The following DAZL variants were observed in gnomAD, a reference collection of about 807,000 sequenced individuals.
DAZL encodes deleted in azoospermia-like.
DAZL carries 4 observed loss-of-function variants against 45.0 expected under a neutral mutation model. The observed-to-expected ratio is 0.09, with a 90% CI of 0.04 to 0.20. The LOEUF is 0.20. Ranked by LOEUF, DAZL falls within the 10% of genes least tolerant of loss-of-function variation. DAZL has a pLI of 1.00. For missense variants in DAZL, 326 were observed against 351.3 expected (o/e 0.93, Z 0.58); for synonymous variants, 122 against 112.4 (o/e 1.09, Z -0.54).
chr3:16,599,122 C>T (rs781594637), intron 1 of DAZL, among the ~76,000 whole-genome samples: 2 of 151,658 alleles, frequency 1.3e-5, no homozygotes, highest in South Asian at 2.1e-4. Context: ...TGCTCATTAC[C>T]GAGTCTTGCA....
chr3:16,596,299 T>C (rs887179261), intron 6 of DAZL, among the ~76,000 whole-genome samples: 2 of 152,064 alleles, frequency 1.3e-5, no homozygotes, highest in African/African-American at 2.4e-5. Flanking sequence ...AGGATTTACA[T>C]AGTAAAACAC....
intron 6 of DAZL, among the ~76,000 whole-genome samples, chr3:16,595,914 GCTA>G (rs1694592750): frequency 1.3e-5 from 2 of 151,874 alleles, no homozygotes; most frequent in African/African-American, 4.8e-5. Context: ...TCAATAAATA[GCTA>G]CTGATTGAAA....
intron 1 of DAZL, among the ~76,000 whole-genome samples, chr3:16,602,647 GT>G (rs1473882322): frequency 6.6e-6 from 1 of 152,114 alleles, no homozygotes; most frequent in East Asian, 1.9e-4. Context: ...AAAGAATATA[GT>G]TTATATTGGA....
intron 6 of DAZL, among the ~76,000 whole-genome samples, chr3:16,596,088 G>C (rs1486292022): frequency 6.6e-6 from 1 of 151,850 alleles, no homozygotes; most frequent in Non-Finnish European, 1.5e-5. Flanking sequence ...AAATGTCAAT[G>C]AATGAAAGAC....
At chr3:16,591,012 G>T (rs912258897) in intron 10 of DAZL, among the ~76,000 whole-genome samples, 4 of 151,978 alleles carry the variant, frequency 2.6e-5, no homozygotes, top group Non-Finnish European at 5.9e-5. Context: ...TTGTATTACT[G>T]GTATCTCAAT....
chr3:16,604,795 G>A, intron 1 of DAZL: 4 of 1,343,378 alleles, frequency 3.0e-6, no homozygotes, highest in Non-Finnish European at 3.8e-6. Context: ...GGGAGTGGGG[G>A]AGGGGCGGAG....
intron 6 of DAZL, among the ~76,000 whole-genome samples, chr3:16,595,979 A>G (rs1305058790): frequency 6.6e-6 from 1 of 152,082 alleles, no homozygotes; most frequent in Non-Finnish European, 1.5e-5. Flanking sequence ...AATGACTCAC[A>G]GTAAATGTTA....
In DAZL at chr3:16,597,545, TA is replaced by T. The variant is rs1308076431; in HGVS notation, c.243-5del. The stretch of plus-strand genomic sequence containing the variant: ...AAAAAATGAAACAAATCCATAGCTA[TA>T]AAGGCAGATAAATGAAGTATAAAAT... On this transcript the variant is annotated splice_region_variant and splice_polypyrimidine_tract_variant and intron_variant, in intron 3 of 10. Transcript: ENST00000399444. 1.3e-6 allele frequency: 2 copies of T among 1,552,868 alleles called. No individual in the cohort carries two copies. The highest frequency in any genetic ancestry group is 1.8e-6 in the Non-Finnish European group (2 of 1,124,798).
intron 1 of DAZL, among the ~76,000 whole-genome samples, chr3:16,599,340 A>G (rs1013960885): frequency 6.6e-6 from 1 of 152,206 alleles, no homozygotes; most frequent in Non-Finnish European, 1.5e-5. Context: ...CACATCAAAA[A>G]GAAAATAAGC....
chr3:16,603,532 C>T (rs1325624413), intron 1 of DAZL, among the ~76,000 whole-genome samples: 1 of 148,604 alleles, frequency 6.7e-6, no homozygotes, highest in Admixed American at 6.8e-5. Context: ...TTTTTAGTAG[C>T]GATGGGGTTT....
intron 10 of DAZL, 55 bp downstream of exon 10, chr3:16,591,995 T>C (rs1694525083): frequency 1.3e-6 from 2 of 1,555,850 alleles, no homozygotes; most frequent in East Asian, 2.3e-5. Context: ...GGAAAACAGA[T>C]ACTTTAAAGC....
In DAZL at chr3:16,594,600, AGGAAACC is replaced by A; in HGVS notation, c.571-24_571-18del. The A allele has an allele frequency of 7.0e-7, 1 of 1,425,428 alleles. No homozygotes were observed. Among genetic ancestry groups the A allele is most frequent in the Non-Finnish European group, 9.6e-7 (1 of 1,041,618 alleles). The allele number at this position is 1,425,428 out of a possible 1,614,324, so 88.3% of individuals were successfully genotyped here. ...TGGTGGCATCTTAAAAAAAAAAAAA[AGGAAACC>A]AAAATTATTCAAATATTCCTACAAA... On this transcript the variant is annotated intron_variant, in intron 7 of 10. Transcript: ENST00000399444.
chr3:16,595,897 A>G (rs1277195018), intron 6 of DAZL, among the ~76,000 whole-genome samples: 1 of 152,044 alleles, frequency 6.6e-6, no homozygotes, highest in Non-Finnish European at 1.5e-5. Flanking sequence ...ATAATGTCTT[A>G]TATTTTTCAA....
At chr3:16,590,996 G>A (rs539015281) in intron 10 of DAZL, among the ~76,000 whole-genome samples, 1 of 152,038 alleles carries the variant, frequency 6.6e-6, no homozygotes, top group Non-Finnish European at 1.5e-5. Flanking sequence ...ACTTTAAATA[G>A]GTAAATTGTA....
rs539571606 is a variant in DAZL, at chr3:16,604,786, G to A, written c.3+417C>T. Reference sequence around the variant, plus strand: ...GAGGCTGGCGGGGCGGAGGCGCGTGGGAGTGGGGGAGGGGCGGAGGCGCGT... The same window carrying A: ...GAGGCTGGCGGGGCGGAGGCGCGTGAGAGTGGGGGAGGGGCGGAGGCGCGT... On this transcript the variant is annotated intron_variant, in intron 1 of 10. Transcript: ENST00000399444. 878 of 1,358,554 alleles carry A rather than the reference G, an allele frequency of 6.5e-4. 2 individuals are homozygous for A. In the African/African-American group the frequency reaches 9.5e-3, roughly 15 times the overall value. 84.2% of individuals were successfully genotyped at this position (1,358,554 alleles called of 1,614,324 possible). A position where few individuals can be genotyped will look rare whatever the true frequency, so the allele number is the denominator to read the frequency against.
chr3:16,595,459 A>G, intron 6 of DAZL, 74 bp from the exon 7 acceptor site: 2 of 867,336 alleles, frequency 2.3e-6, no homozygotes, highest in Non-Finnish European at 3.6e-6. Flanking sequence ...TTCCCAATAT[A>G]ACAAAAATAT....
intron 1 of DAZL, among the ~76,000 whole-genome samples, chr3:16,602,764 CAG>C (rs1694711990): frequency 6.6e-6 from 1 of 152,100 alleles, no homozygotes; most frequent in African/African-American, 2.4e-5. Flanking sequence ...CCAAGTAAAA[CAG>C]AAATAGAGAC....
At position 16,595,295 on chromosome 3, in the gene DAZL, T is replaced by C; in HGVS notation, c.570+19A>G. On this transcript the variant is annotated intron_variant, in intron 7 of 10. Coordinates refer to ENST00000399444, the MANE Select transcript of DAZL (RefSeq NM_001351.4). ...CAATAAAATCTGAAAGTAAATCATT[T>C]TACTCCCTTTTAAATTACCTGATAA... The C allele has an allele frequency of 7.2e-7, 1 of 1,388,556 alleles. No individual in the cohort carries two copies. Among genetic ancestry groups the C allele is most frequent in the Non-Finnish European group, 1.0e-6 (1 of 1,000,850 alleles). The allele number at this position is 1,388,556 out of a possible 1,614,324, so 86.0% of individuals were successfully genotyped here. A position where few individuals can be genotyped will look rare whatever the true frequency, so the allele number is the denominator to read the frequency against.
At chr3:16,594,763 A>G (rs922676782) in intron 7 of DAZL, among the ~76,000 whole-genome samples, 180 bp from the exon 8 acceptor site, 3 of 152,066 alleles carry the variant, frequency 2.0e-5, no homozygotes, top group African/African-American at 7.2e-5. Context: ...TGTTACTTCC[A>G]TATATAAAAC....
Sources: allele counts gnomAD v4.1 joint callset (sites outside exome capture counted in the v4.1 genomes callset), GRCh38; gene constraint gnomAD v4.1.1; transcripts MANE v1.5; gene names NCBI Gene and HGNC (gene_info 2026-07-23, HGNC 2026-07-21).